Variants in HERC1 observed in about 807,000 individuals in gnomAD.
The protein encoded by HERC1 is probable E3 ubiquitin-protein ligase HERC1.
HERC1 carries 160 observed loss-of-function variants against 554.3 expected under a neutral mutation model. The observed-to-expected ratio is 0.29, with a 90% CI of 0.25 to 0.33. The LOEUF (loss-of-function observed/expected upper bound fraction) is 0.33, where lower values mean the gene tolerates loss of function less well. Among genes scored for constraint, HERC1 ranks in the 10% least tolerant of loss-of-function variants. The pLI, the probability that HERC1 is intolerant of heterozygous loss-of-function variation, is 1.00. For synonymous variants in HERC1, 2,175 were observed against 2,131.7 expected, an observed-to-expected ratio of 1.02 and a Z score of -0.56; for missense variants, 4,919 against 5,918.5, an observed-to-expected ratio of 0.83 and a Z score of 5.54.
intron 34 of HERC1, among the ~76,000 whole-genome samples, chr15:63,681,855 C>T (rs1370274535): frequency 1.3e-5 from 2 of 152,172 alleles, no homozygotes; most frequent in African/African-American, 2.4e-5. Context: ...AGGGAGAGAA[C>T]AGAAGGAAGC....
intron 34 of HERC1, among the ~76,000 whole-genome samples, chr15:63,684,388 C>T (rs879370253): frequency 6.6e-6 from 1 of 152,138 alleles, no homozygotes; most frequent in Non-Finnish European, 1.5e-5. Flanking sequence ...GTTTTATAAA[C>T]CTATTTTGAA....
chr15:63,695,577 G>A (rs1253194482), intron 27 of HERC1, among the ~76,000 whole-genome samples: 4 of 151,032 alleles, frequency 2.6e-5, no homozygotes, highest in Non-Finnish European at 4.4e-5. Context: ...TAGTAGAGAC[G>A]GGGTTTCGCC....
At chr15:63,766,635 A>C (rs1003040890) in intron 2 of HERC1, among the ~76,000 whole-genome samples, 1 of 152,228 alleles carries the variant, frequency 6.6e-6, no homozygotes, top group Non-Finnish European at 1.5e-5. Context: ...GCTTACTTAG[A>C]ATTTTTTAAG....
Position 63,678,057 on chromosome 15 carries a change from A to G in HERC1, c.6858T>C (p.His2286=), listed in dbSNP as rs1451466462. ...KEEEKGKHTR[H]GLADLSELQL... is the part of the protein sequence containing the mutation. ...GCAGCTCTGAGAGGTCAGCGAGGCC[A>G]TGCCTAGTATGTTTACCTTTCTCTT... The change falls in exon 37 of 78, where the codon CAT becomes CAC. Residue 2286 remains histidine, a synonymous_variant. Transcript: ENST00000443617. The G allele has an allele frequency of 1.2e-6, 2 of 1,613,904 alleles. No homozygotes were observed. The highest frequency in any genetic ancestry group is 1.7e-5 in the Admixed American group (1 of 60,010).
At chr15:63,637,380 T>G in intron 64 of HERC1, 125 bp downstream of exon 64, 1 of 789,948 alleles carries the variant, frequency 1.3e-6, no homozygotes, top group South Asian at 1.8e-5. Context: ...AAATAAGGAT[T>G]TAAATGTAAG....
intron 1 of HERC1, among the ~76,000 whole-genome samples, chr15:63,780,950 T>C (rs777518286): frequency 3.3e-5 from 5 of 152,168 alleles, no homozygotes; most frequent in Non-Finnish European, 7.3e-5. Flanking sequence ...AATAAGTAAA[T>C]CATTTTTTAA....
At chr15:63,702,748 T>A (rs778940049) in intron 25 of HERC1, among the ~76,000 whole-genome samples, 129 of 152,326 alleles carry the variant, frequency 8.5e-4, no homozygotes, top group Non-Finnish European at 1.4e-3. Flanking sequence ...GTTTACTAAA[T>A]ACAAATTTCA....
Position 63,645,483 on chromosome 15 carries a change from G to A in HERC1, c.11078C>T (p.Thr3693Ile), listed in dbSNP as rs755353533. 8 of 1,607,312 alleles carry A rather than the reference G, an allele frequency of 5.0e-6. No individual in the cohort carries two copies. The highest frequency in any genetic ancestry group is 1.7e-4 in the Middle Eastern group (1 of 6,058). ...GTATAGATGCAAATTGACAACATAC[G>A]TAGCCATCAGTAACTGCAACTTGGA... Reference protein sequence around the residue: ...KGSKLQLLMATGCQSGLVCVW... With the variant: ...KGSKLQLLMAIGCQSGLVCVW... The change falls in exon 56 of 78, where the codon ACT becomes ATT. Residue 3693 changes from threonine to isoleucine, a missense_variant and splice_region_variant. Thr to Ile is a moderately conservative substitution (Grantham distance 89). Coordinates refer to ENST00000443617, the MANE Select transcript of HERC1 (RefSeq NM_003922.4).
intron 5 of HERC1, among the ~76,000 whole-genome samples, chr15:63,755,938 C>T (rs576635381): frequency 1.6e-4 from 24 of 152,232 alleles, no homozygotes; most frequent in African/African-American, 5.8e-4. Flanking sequence ...TATTAAGATG[C>T]CACCTCTCCT....
intron 1 of HERC1, among the ~76,000 whole-genome samples, chr15:63,789,063 A>G: frequency 6.7e-6 from 1 of 149,936 alleles, no homozygotes; most frequent in Non-Finnish European, 1.5e-5. Context: ...TCTACTAATA[A>G]AGCAGGAATA....
intron 61 of HERC1, 124 bp downstream of exon 61, chr15:63,640,028 C>A (rs2068966581): frequency 7.7e-6 from 7 of 912,044 alleles, no homozygotes; most frequent in African/African-American, 1.7e-5. Flanking sequence ...AAATATTTTC[C>A]ATTTCTCTTA....
intron 1 of HERC1, among the ~76,000 whole-genome samples, chr15:63,826,797 AAAAAAAAAAAAAAAAAAATATATAT>A (rs1376473320): frequency 0.054 from 3,855 of 71,430 alleles, 330 homozygotes; most frequent in African/African-American, 0.19. Flanking sequence ...AAAAAAAAAA[AAAAAAAAAAAAAAAAAAATATATAT>A]ATATATATAT....
At chr15:63,620,945 C>T (rs1342809195) in intron 74 of HERC1, among the ~76,000 whole-genome samples, 2 of 152,158 alleles carry the variant, frequency 1.3e-5, no homozygotes, top group Non-Finnish European at 2.9e-5. Flanking sequence ...GACTCTTTAT[C>T]CAATTTGCCA....
chr15:63,682,169 TA>T (rs1337787496), intron 34 of HERC1, among the ~76,000 whole-genome samples: 5 of 152,118 alleles, frequency 3.3e-5, no homozygotes, highest in African/African-American at 7.2e-5. Context: ...GAGTTACACA[TA>T]GTATGAAACA....
Position 63,651,255 on chromosome 15 carries a change from T to A in HERC1, c.10544A>T (p.Asn3515Ile). Residue 3515 changes from asparagine (N) to isoleucine (I), a missense_variant and splice_region_variant, in exon 53 of 78, where the codon AAT (asparagine) becomes ATT (isoleucine). By Grantham distance (149) the Asn-to-Ile change is moderately radical. This residue lies in a region of HERC1 where 1,963 missense variants were observed against 2,228.6 expected (regional missense o/e 0.88). Coordinates refer to ENST00000443617, the MANE Select transcript of HERC1 (RefSeq NM_003922.4). Reference sequence around the variant, plus strand: ...ACTAGTGTTTACATGACTCTTACCATTAACTTGCCAGATATTCACCATCTT... The same window carrying A: ...ACTAGTGTTTACATGACTCTTACCAATAACTTGCCAGATATTCACCATCTT... ...LEKMVNIWQV[N>I]GGKGLVDIQP... 1 of 1,613,766 alleles carries A rather than the reference T, an allele frequency of 6.2e-7. No homozygotes were observed. Among genetic ancestry groups the A allele is most frequent in the Non-Finnish European group, 8.5e-7 (1 of 1,179,804 alleles).
At chr15:63,712,081 T>A (rs2073325775) in intron 24 of HERC1, among the ~76,000 whole-genome samples, 1 of 152,228 alleles carries the variant, frequency 6.6e-6, no homozygotes, top group South Asian at 2.1e-4. Flanking sequence ...ATGCCTGCAG[T>A]CCAGGTTCTG....
chr15:63,684,569 G>A (rs901850443), intron 34 of HERC1, among the ~76,000 whole-genome samples: 2 of 152,272 alleles, frequency 1.3e-5, no homozygotes, highest in East Asian at 3.9e-4. Flanking sequence ...ATTTAAAGTT[G>A]TAATTACTAA....
intron 1 of HERC1, among the ~76,000 whole-genome samples, chr15:63,811,119 AC>A (rs1238821756): frequency 6.6e-6 from 1 of 152,248 alleles, no homozygotes; most frequent in Non-Finnish European, 1.5e-5. Flanking sequence ...CCCGAAAAAA[AC>A]AAAAAGCAAC....
At chr15:63,770,765 A>G (rs183823479) in intron 2 of HERC1, among the ~76,000 whole-genome samples, 3 of 152,304 alleles carry the variant, frequency 2.0e-5, no homozygotes, top group East Asian at 1.9e-4. Flanking sequence ...TAGCTGGGAG[A>G]TAAGTTCTGG....
Sources: gnomAD v4.1 joint callset for allele counts (sites outside exome capture counted in the v4.1 genomes callset) on GRCh38, gnomAD v4.1.1 for gene constraint, gnomAD v4.1.1 regional missense constraint, MANE v1.5 for transcripts, NCBI Gene and HGNC (gene_info 2026-07-23, HGNC 2026-07-21) for gene names.